CELF2: variants seen among roughly 807,000 people sequenced by gnomAD.
The protein encoded by CELF2 is CUGBP Elav-like family member 2, also known as CUG triplet repeat RNA-binding protein 2.
In CELF2, 8 loss-of-function variants were observed where a neutral mutation model predicts 62.6. The observed-to-expected ratio is 0.13, with a 90% CI of 0.07 to 0.23. CELF2 has a LOEUF of 0.23. Among genes scored for constraint, CELF2 ranks in the 10% least tolerant of loss-of-function variants. CELF2 has a pLI of 1.00. For missense variants in CELF2, 333 were observed against 671.0 expected (o/e 0.50, Z 5.56); for synonymous variants, 258 against 250.0 (o/e 1.03, Z -0.30).
the CELF2 span, among the ~76,000 whole-genome samples, chr10:10,662,671 A>G: frequency 6.6e-6 from 1 of 150,704 alleles, no homozygotes; most frequent in Non-Finnish European, 1.5e-5. Flanking sequence ...GTCTTTCTTT[A>G]AGGAAAATTT....
chr10:10,873,383 G>T (rs1395553976), intron 1 of CELF2, among the ~76,000 whole-genome samples: 1 of 152,082 alleles, frequency 6.6e-6, no homozygotes, highest in Non-Finnish European at 1.5e-5. Context: ...TTAGCCCTCG[G>T]GGTAACAGTA....
At chr10:11,048,018 C>T (rs1348782321) in intron 1 of CELF2, among the ~76,000 whole-genome samples, 1 of 152,192 alleles carries the variant, frequency 6.6e-6, no homozygotes, top group African/African-American at 2.4e-5. Flanking sequence ...GAAGCCCTCT[C>T]TCCAAATGTA....
At chr10:10,644,878 C>A in the CELF2 span, among the ~76,000 whole-genome samples, 1 of 152,238 alleles carries the variant, frequency 6.6e-6, no homozygotes, top group East Asian at 1.9e-4. Context: ...TAGAAAATGT[C>A]AGATGGGGTT....
At chr10:10,836,749 C>G (rs1220033636) in intron 1 of CELF2, among the ~76,000 whole-genome samples, 1 of 152,220 alleles carries the variant, frequency 6.6e-6, no homozygotes, top group Non-Finnish European at 1.5e-5. Context: ...GATTCTCCTG[C>G]TTCAGCTTCC....
the CELF2 span, among the ~76,000 whole-genome samples, chr10:10,768,972 A>G: frequency 6.6e-6 from 1 of 152,078 alleles, no homozygotes; most frequent in African/African-American, 2.4e-5. Flanking sequence ...CCTTCCTTCT[A>G]CCTGCCAAAT....
chr10:11,300,468 C>G lies in CELF2; in HGVS notation c.976+11916C>G, dbSNP rs1591023719. Among the ~76,000 whole-genome samples, 1 of 152,190 alleles carries G rather than the reference C, an allele frequency of 6.6e-6. No homozygotes were observed. Among genetic ancestry groups the G allele is most frequent in the African/African-American group, 2.4e-5 (1 of 41,436 alleles). Reference sequence around the variant, plus strand: ...TCTGGGGAAGGTACCCTCTTCCAGGCTGGGAGTGTGAGGTCACACCTCACC... The same window carrying G: ...TCTGGGGAAGGTACCCTCTTCCAGGGTGGGAGTGTGAGGTCACACCTCACC... On this transcript the variant is annotated intron_variant, in intron 9 of 12. Transcript: ENST00000633077. This position sits in a 1 kb window ranked among gnomAD's most constrained non-coding sequence, Gnocchi z 5.5.
intron 2 of CELF2, among the ~76,000 whole-genome samples, chr10:11,196,979 GAGAA>G (rs139016929): frequency 0.47 from 15,026 of 32,140 alleles, 4,894 homozygotes; most frequent in Non-Finnish European, 0.54. Context: ...GAAAGAAAGA[GAGAA>G]AGAAAGAAAG....
At chr10:10,527,798 A>G in the CELF2 span, among the ~76,000 whole-genome samples, 1 of 152,240 alleles carries the variant, frequency 6.6e-6, no homozygotes, top group African/African-American at 2.4e-5. Context: ...GAAGAAAAGC[A>G]CATACACAGG....
At chr10:10,574,880 T>C in the CELF2 span, among the ~76,000 whole-genome samples, 7 of 84,080 alleles carry the variant, frequency 8.3e-5, no homozygotes, top group East Asian at 4.8e-4. Flanking sequence ...TGGTTTTTTT[T>C]TTTTTTTTTT....
the CELF2 span, among the ~76,000 whole-genome samples, chr10:10,494,347 A>C: frequency 1.3e-5 from 2 of 152,210 alleles, no homozygotes; most frequent in African/African-American, 4.8e-5. Flanking sequence ...TTCTTTTAGT[A>C]GGCTTTGTTA....
chr10:10,567,949 G>A, the CELF2 span, among the ~76,000 whole-genome samples: 2 of 152,148 alleles, frequency 1.3e-5, no homozygotes, highest in African/African-American at 4.8e-5. Flanking sequence ...AGGGTACCCA[G>A]TGATTAAGCA....
the CELF2 span, among the ~76,000 whole-genome samples, chr10:10,702,797 A>G: frequency 0.018 from 2,756 of 152,202 alleles, 42 homozygotes; most frequent in African/African-American, 0.042. Context: ...TGTTGGCCAC[A>G]CTGGTCTCGA....
chr10:11,307,176 C>T (rs1021060191), intron 9 of CELF2, among the ~76,000 whole-genome samples: 2 of 152,248 alleles, frequency 1.3e-5, no homozygotes, highest in Non-Finnish European at 2.9e-5. Flanking sequence ...TGTCCTCCAG[C>T]GCCTCTTCTC....
At chr10:11,197,767 T>C (rs1171024252) in intron 2 of CELF2, among the ~76,000 whole-genome samples, 1 of 152,256 alleles carries the variant, frequency 6.6e-6, no homozygotes, top group African/African-American at 2.4e-5. Context: ...GCAAAATCTG[T>C]TCTGTCTCCT....
chr10:10,689,262 T>C, the CELF2 span, among the ~76,000 whole-genome samples: 1 of 152,036 alleles, frequency 6.6e-6, no homozygotes, highest in Non-Finnish European at 1.5e-5. Context: ...AGGACCTTCT[T>C]CACATGGTGG....
the CELF2 span, among the ~76,000 whole-genome samples, chr10:10,602,644 G>A: frequency 1.3e-5 from 2 of 152,032 alleles, no homozygotes; most frequent in Non-Finnish European, 2.9e-5. Flanking sequence ...TAAACTTTTG[G>A]CAGTAAGTCT....
chr10:11,276,220 T>C (rs2138956902), intron 8 of CELF2, among the ~76,000 whole-genome samples: 2 of 152,296 alleles, frequency 1.3e-5, no homozygotes, highest in South Asian at 4.1e-4. Flanking sequence ...TGGTGTGTGA[T>C]CGGCAGCCCC....
In CELF2 at chr10:11,194,861, A is replaced by G. The variant is rs528428900; in HGVS notation, c.272-22564A>G. ...AGAAAGCAATAATCCCTCATATTTT[A>G]TAGTACCATCTGGGTTACAAAAATC... is the stretch of plus-strand genomic sequence containing the variant. On this transcript the variant is annotated intron_variant, in intron 2 of 12. Transcript: ENST00000633077. 2.6e-5 allele frequency among the ~76,000 whole-genome samples: 4 copies of G among 152,346 alleles called. No individual in the cohort carries two copies. The South Asian group carries it at 6.2e-4, about 24-fold the overall frequency.
At chr10:10,468,101 A>G in the CELF2 span, among the ~76,000 whole-genome samples, 3 of 152,104 alleles carry the variant, frequency 2.0e-5, no homozygotes, top group Admixed American at 2.0e-4. Flanking sequence ...TGCAAGGCAG[A>G]TGCCTAATGA....
Sources: allele counts gnomAD v4.1 joint callset (sites outside exome capture counted in the v4.1 genomes callset), GRCh38; gene constraint gnomAD v4.1.1; non-coding constraint Gnocchi (gnomAD v3.1); transcripts MANE v1.5; gene names NCBI Gene and HGNC (gene_info 2026-07-23, HGNC 2026-07-21).